Variants in LGALS12 observed in about 807,000 individuals in gnomAD.
LGALS12 encodes galectin 12.
A neutral mutation model predicts 36.8 loss-of-function variants in LGALS12; 36 were observed. That is an observed-to-expected ratio of 0.98 (90% CI 0.75 to 1.29). The LOEUF (loss-of-function observed/expected upper bound fraction) is 1.29. LGALS12 is among the 50% of genes most tolerant of loss of function. LGALS12 has a pLI of 0.00. For missense variants in LGALS12, 366 were observed against 394.3 expected (o/e 0.93, Z 0.61); for synonymous variants, 145 against 155.9 (o/e 0.93, Z 0.52).
rs1029718341 is a variant in LGALS12, at chr11:63,516,493, C to A, written c.*100C>A. 10 of 1,388,904 alleles carry A rather than the reference C, an allele frequency of 7.2e-6. No individual in the cohort carries two copies. The African/African-American group carries it at 8.5e-5, about 12-fold the overall frequency. The allele number at this position is 1,388,904 out of a possible 1,614,324, so 86.0% of individuals were successfully genotyped here. ...TTAAACCATCCACCTGACACCAGCA[C>A]ATCAGGCCTGGTTCACCTCTGGGGT... On this transcript the variant is annotated 3_prime_UTR_variant, in exon 9 of 9. Transcript: ENST00000394618.
At position 63,509,881 on chromosome 11, in the gene LGALS12, G is replaced by A. The variant is rs1175399956; in HGVS notation, c.476G>A (p.Gly159Glu). 1 of 1,614,084 alleles carries A rather than the reference G, an allele frequency of 6.2e-7. No homozygotes were observed. Among genetic ancestry groups the A allele is most frequent in the East Asian group, 2.2e-5 (1 of 44,886 alleles). ...GGTGACATCCTGGTAGAGGCTGTTG[G>A]ATTCCTGAACATCAATGTAAGTTTC... ...IFGDILVEAV[G>E]FLNINPFVEG... is the part of the protein sequence containing the mutation. The change falls in exon 4 of 9, where the codon GGA becomes GAA. Residue 159 changes from glycine to glutamate, a missense_variant. Transcript: ENST00000394618.
Position 63,506,201 on chromosome 11 carries a change from T to C in LGALS12, c.-258T>C. 5.0e-6 allele frequency: 3 copies of C among 604,756 alleles called. No individual in the cohort carries two copies. The South Asian group carries it at 6.1e-5, about 12-fold the overall frequency. The allele number at this position is 604,756 out of a possible 1,614,324, so 37.5% of individuals were successfully genotyped here. On this transcript the variant is annotated 5_prime_UTR_variant, in exon 1 of 9. Transcript: ENST00000394618. ...ATGCCAGTCTTCCTCCCCTGGACAC[T>C]GAGTTCTGCTGACAGCCCCCGCCCA...
At position 63,506,527 on chromosome 11, in the gene LGALS12, G is replaced by C; in HGVS notation, c.69G>C (p.Pro23=). The change falls in exon 1 of 9, where the codon CCG becomes CCC. Residue 23 remains proline, a splice_region_variant and synonymous_variant. Transcript: ENST00000394618. ...TTCTGCAACCACCAGTCTTCCACCC[G>C]GTGAGTTGTCACTCTAATGTGGAAC... is the stretch of plus-strand genomic sequence containing the variant. ...SFILQPPVFH[P]VVPYVTTIFG... is the part of the protein sequence containing the mutation. The C allele has an allele frequency of 5.0e-6, 8 of 1,614,184 alleles. No individual in the cohort carries two copies. Among genetic ancestry groups the C allele is most frequent in the Non-Finnish European group, 6.8e-6 (8 of 1,180,028 alleles).
Position 63,511,074 on chromosome 11 carries a change from GA to G in LGALS12, c.532-4del, listed in dbSNP as rs770850568. On this transcript the variant is annotated splice_polypyrimidine_tract_variant and splice_region_variant and intron_variant, in intron 5 of 8. Coordinates refer to ENST00000394618, the MANE Select transcript of LGALS12 (RefSeq NM_033101.4). ...CCTTGTGTCCTCTCTTTCTTTCCCT[GA>G]CAGCCTTTCCTGCTGATGAGCCCCA... The G allele has an allele frequency of 7.4e-6, 12 of 1,613,540 alleles. No homozygotes were observed. Among genetic ancestry groups the G allele is most frequent in the Non-Finnish European group, 9.3e-6 (11 of 1,179,874 alleles).
At chr11:63,515,825 G>T in intron 8 of LGALS12, 112 bp downstream of exon 8, 2 of 1,152,410 alleles carry the variant, frequency 1.7e-6, no homozygotes, top group African/African-American at 3.1e-5. Context: ...TATGGGGTGG[G>T]AGGCCAGAGC....
rs895981210 is a variant in LGALS12, at chr11:63,516,284, C to A, written c.836C>A (p.Ala279Glu). Residue 279 changes from alanine to glutamate, a missense_variant, in exon 9 of 9, where the codon GCG (alanine) becomes GAG (glutamate). By Grantham distance (107) the Ala-to-Glu change is moderately radical (BLOSUM62 -1). Coordinates refer to ENST00000394618, the MANE Select transcript of LGALS12 (RefSeq NM_033101.4). The part of the protein sequence containing the change: ...LLFQEGGLKL[A>E]LNGQGLGATS... ...TTCCAGGAGGGAGGGCTGAAGCTGG[C>A]GCTCAATGGGCAGGGGCTGGGGGCC... 1.0e-5 allele frequency: 16 copies of A among 1,602,492 alleles called. No homozygotes were observed. The African/African-American group carries it at 1.2e-4, about 12-fold the overall frequency.
intron 8 of LGALS12, 95 bp downstream of exon 8, chr11:63,515,808 C>G: frequency 7.3e-7 from 1 of 1,373,134 alleles, no homozygotes; most frequent in Non-Finnish European, 1.0e-6. Flanking sequence ...GTGTGCAGGA[C>G]AGATGTTATG....
chr11:63,506,337 G>C lies in LGALS12; in HGVS notation c.-122G>C. The C allele has an allele frequency of 1.2e-6, 2 of 1,609,574 alleles. No homozygotes were observed. Among genetic ancestry groups the C allele is most frequent in the South Asian group, 2.2e-5 (2 of 90,794 alleles). Reference sequence around the variant, plus strand: ...AGCATTAAAACGCTGCAGGTCGCAGGTGAGACTAACAGCTGGGAGAGCTGC... The same window carrying C: ...AGCATTAAAACGCTGCAGGTCGCAGCTGAGACTAACAGCTGGGAGAGCTGC... On this transcript the variant is annotated 5_prime_UTR_variant, in exon 1 of 9. Coordinates refer to ENST00000394618, the MANE Select transcript of LGALS12 (RefSeq NM_033101.4).
At chr11:63,510,331 G>A in intron 4 of LGALS12, 132 bp from the exon 5 acceptor site, 7 of 843,778 alleles carry the variant, frequency 8.3e-6, no homozygotes, top group Non-Finnish European at 1.4e-5. Context: ...ATGCCAGCAA[G>A]AAGCTACCAC....
Position 63,506,426 on chromosome 11 carries a change from A to G in LGALS12, c.-33A>G. On this transcript the variant is annotated 5_prime_UTR_variant, in exon 1 of 9. Transcript: ENST00000394618. ...GCCCAGTGGGGGCAGGGCTCCTGGAACGAGGATCTACAGTTGGAGTTGCCC... is the reference window on the plus strand; with the variant it reads ...GCCCAGTGGGGGCAGGGCTCCTGGAGCGAGGATCTACAGTTGGAGTTGCCC... 6.2e-7 allele frequency: 1 copy of G among 1,614,192 alleles called. No individual in the cohort carries two copies. Among genetic ancestry groups the G allele is most frequent in the Non-Finnish European group, 8.5e-7 (1 of 1,180,022 alleles).
intron 7 of LGALS12, among the ~76,000 whole-genome samples, chr11:63,514,969 A>G (rs563572983): frequency 6.6e-6 from 1 of 152,098 alleles, no homozygotes; most frequent in South Asian, 2.1e-4. Context: ...TCCAGGTGCT[A>G]TTCTAAATAA....
rs376328731 is a variant in LGALS12 at position 63,508,534 on chromosome 11, A to T, written c.70-19A>T. On this transcript the variant is annotated intron_variant, in intron 1 of 8. Coordinates refer to ENST00000394618, the MANE Select transcript of LGALS12 (RefSeq NM_033101.4). ...CCCTTTCTCCAAACCTGCATGGATG[A>T]GTTTCTTTTCTTGTTCAGGTGGTTC... 4 of 1,613,824 alleles carry T rather than the reference A, an allele frequency of 2.5e-6. No homozygotes were observed. The African/African-American group carries it at 5.3e-5, about 22-fold the overall frequency.
At chr11:63,506,643 C>A (rs1387202307) in intron 1 of LGALS12, 116 bp downstream of exon 1, 4 of 1,379,694 alleles carry the variant, frequency 2.9e-6, no homozygotes, top group East Asian at 4.6e-5. Flanking sequence ...CTTCTCCCAG[C>A]ACCTGCCCTG....
chr11:63,511,855 T>C lies in LGALS12; in HGVS notation c.647+15T>C. On this transcript the variant is annotated intron_variant, in intron 7 of 8. Coordinates refer to ENST00000394618, the MANE Select transcript of LGALS12 (RefSeq NM_033101.4). ...GAGCCGAAGCAGTAAGTATCCAGCA[T>C]CTAAGTGGAGGGGAGGGAGCAGCCT... is the stretch of plus-strand genomic sequence containing the variant. The C allele has an allele frequency of 6.4e-7, 1 of 1,566,852 alleles. No individual in the cohort carries two copies. The highest frequency in any genetic ancestry group is 8.8e-7 in the Non-Finnish European group (1 of 1,137,472).
In LGALS12 at chr11:63,508,863, A is replaced by G. The variant is rs1198566906; in HGVS notation, c.244A>G (p.Lys82Glu). 3 of 1,614,054 alleles carry G rather than the reference A, an allele frequency of 1.9e-6. No homozygotes were observed. Among genetic ancestry groups the G allele is most frequent in the Non-Finnish European group, 2.5e-6 (3 of 1,180,032 alleles). Residue 82 changes from lysine to glutamate, a missense_variant, in exon 3 of 9, where the codon AAG becomes GAG. Transcript: ENST00000394618. The part of the protein sequence containing the change: ...FHFNPRFHTT[K>E]PHVICNTLHG... ...CTTCAACCCTCGCTTCCATACCACC[A>G]AGCCCCATGTCATCTGCAACACCCT...
At position 63,516,269 on chromosome 11, in the gene LGALS12, G is replaced by T. The variant is rs750832964; in HGVS notation, c.821G>T (p.Gly274Val). 2 of 1,592,920 alleles carry T rather than the reference G, an allele frequency of 1.3e-6. No individual in the cohort carries two copies. Among genetic ancestry groups the T allele is most frequent in the Non-Finnish European group, 1.7e-6 (2 of 1,170,278 alleles). ...FFEVLLLFQE[G>V]GLKLALNGQG... is the part of the protein sequence containing the mutation. ...CAGGTGCTGCTCCTGTTCCAGGAGG[G>T]AGGGCTGAAGCTGGCGCTCAATGGG... The change falls in exon 9 of 9, where the codon GGA becomes GTA. Residue 274 changes from glycine (G) to valine (V), a missense_variant. Transcript: ENST00000394618.
chr11:63,513,927 G>A (rs971951784), intron 7 of LGALS12, among the ~76,000 whole-genome samples: 1 of 152,166 alleles, frequency 6.6e-6, no homozygotes, highest in Non-Finnish European at 1.5e-5. Context: ...ATGAAGGTGA[G>A]GTAGGGAGAC....
At position 63,515,495 on chromosome 11, in the gene LGALS12, C is replaced by T. The variant is rs868776666; in HGVS notation, c.648-68C>T. On this transcript the variant is annotated intron_variant, in intron 7 of 8. Coordinates refer to ENST00000394618, the MANE Select transcript of LGALS12 (RefSeq NM_033101.4). ...CCACTCCCTGACCTCCATCCTTCCC[C>T]TGGGGGCTGAGCAGCGGCCTATGGG... 10 of 1,577,508 alleles carry T rather than the reference C, an allele frequency of 6.3e-6. No individual in the cohort carries two copies. In the African/African-American group the frequency reaches 1.1e-4, roughly 17 times the overall value.
intron 4 of LGALS12, 115 bp downstream of exon 4, chr11:63,510,012 C>A: frequency 7.8e-7 from 1 of 1,288,348 alleles, no homozygotes; most frequent in Non-Finnish European, 1.1e-6. Context: ...ACGCCCTGTG[C>A]ACCAGTAATA....
Sources: allele counts gnomAD v4.1 joint callset (sites outside exome capture counted in the v4.1 genomes callset), GRCh38; gene constraint gnomAD v4.1.1; transcripts MANE v1.5; gene names NCBI Gene and HGNC (gene_info 2026-07-23, HGNC 2026-07-21).